PTPRD: variants seen among roughly 807,000 people sequenced by gnomAD.
The protein encoded by PTPRD is receptor-type tyrosine-protein phosphatase delta.
Under a neutral mutation model 214.5 loss-of-function variants are expected in PTPRD, and 34 were observed. That is an observed-to-expected ratio of 0.16 (90% CI 0.12 to 0.21). The LOEUF (loss-of-function observed/expected upper bound fraction) is 0.21. Ranked by LOEUF, PTPRD falls within the 10% of genes least tolerant of loss-of-function variation. PTPRD has a pLI of 1.00. For missense variants in PTPRD, 2,545 were observed against 2,398.7 expected, an observed-to-expected ratio of 1.06 and a Z score of -1.27; for synonymous variants, 1,128 against 845.7, an observed-to-expected ratio of 1.33 and a Z score of -5.79.
intron 5 of PTPRD, among the ~76,000 whole-genome samples, chr9:9,869,779 A>G (rs1250438977): frequency 1.3e-5 from 2 of 151,960 alleles, no homozygotes; most frequent in African/African-American, 4.8e-5. Flanking sequence ...AGTAAACTGC[A>G]TTAAAAAAAA....
intron 3 of PTPRD, among the ~76,000 whole-genome samples, chr9:10,062,018 T>A (rs1346266275): frequency 7.0e-6 from 1 of 143,674 alleles, no homozygotes; most frequent in East Asian, 2.0e-4. Flanking sequence ...CACACTAGAA[T>A]TCGAGAACCA....
At chr9:9,780,823 C>A (rs184330236) in intron 5 of PTPRD, among the ~76,000 whole-genome samples, 1 of 152,314 alleles carries the variant, frequency 6.6e-6, no homozygotes, top group Non-Finnish European at 1.5e-5. Context: ...AACTCTGATA[C>A]ATCCACATAG....
intron 11 of PTPRD, among the ~76,000 whole-genome samples, chr9:8,853,391 GGA>G (rs1214747638): frequency 6.6e-6 from 1 of 152,116 alleles, no homozygotes; most frequent in Non-Finnish European, 1.5e-5. Context: ...GCTTAATTGT[GGA>G]GAGTTGAAAT....
At chr9:9,453,625 A>C (rs1289697086) in intron 8 of PTPRD, among the ~76,000 whole-genome samples, 2 of 151,708 alleles carry the variant, frequency 1.3e-5, no homozygotes, top group Non-Finnish European at 3.0e-5. Flanking sequence ...AAGTGCAGGA[A>C]TATGAGGTGT....
chr9:9,537,196 G>A (rs1030230956), intron 8 of PTPRD, among the ~76,000 whole-genome samples: 5 of 151,862 alleles, frequency 3.3e-5, no homozygotes, highest in African/African-American at 1.2e-4. Flanking sequence ...GCTATTTCAT[G>A]AAATTCCTAC....
intron 9 of PTPRD, among the ~76,000 whole-genome samples, chr9:9,250,514 C>G (rs1220448070): frequency 2.0e-5 from 3 of 151,944 alleles, no homozygotes; most frequent in East Asian, 3.9e-4. Flanking sequence ...ACAAATAACC[C>G]CAATGACAAA....
chr9:10,146,845 A>C (rs1592353778), intron 3 of PTPRD, among the ~76,000 whole-genome samples: 1 of 152,266 alleles, frequency 6.6e-6, no homozygotes, highest in Non-Finnish European at 1.5e-5. Context: ...CACATCTTGG[A>C]GCAATACCTT....
At chr9:9,063,395 C>T (rs527589980) in intron 10 of PTPRD, among the ~76,000 whole-genome samples, 7 of 152,180 alleles carry the variant, frequency 4.6e-5, no homozygotes, top group African/African-American at 1.7e-4. Flanking sequence ...AATGCCTACC[C>T]TCATCAACTA....
chr9:8,894,423 T>C (rs1490238265), intron 11 of PTPRD, among the ~76,000 whole-genome samples: 1 of 141,122 alleles, frequency 7.1e-6, no homozygotes, highest in Non-Finnish European at 1.6e-5. Context: ...AAATATAAGG[T>C]TGGGCAAATG....
At position 8,341,586 on chromosome 9, in the gene PTPRD, A is replaced by G. The variant is rs1398847794; in HGVS notation, c.4947+107T>C. The stretch of plus-strand genomic sequence containing the variant: ...ATCATACACCTGAGGGAAAGGTCAA[A>G]TGAATCTTGTACTTCACAAATTTGA... On this transcript the variant is annotated intron_variant, in intron 40 of 45. Coordinates refer to ENST00000381196, the MANE Select transcript of PTPRD (RefSeq NM_002839.4). 8 of 1,295,542 alleles carry G rather than the reference A, an allele frequency of 6.2e-6. No homozygotes were observed. The East Asian group carries it at 1.6e-4, about 26-fold the overall frequency. 80.3% of individuals were successfully genotyped at this position (1,295,542 alleles called of 1,614,324 possible). A position where few individuals can be genotyped will look rare whatever the true frequency, so the allele number is the denominator to read the frequency against.
intron 11 of PTPRD, among the ~76,000 whole-genome samples, chr9:8,823,898 G>T (rs972985520): frequency 1.3e-5 from 2 of 152,202 alleles, no homozygotes; most frequent in Non-Finnish European, 2.9e-5. Context: ...AGGGCTGCTG[G>T]TTGCCCATTT....
intron 11 of PTPRD, among the ~76,000 whole-genome samples, chr9:8,852,854 G>C (rs983708556): frequency 6.6e-6 from 1 of 152,078 alleles, no homozygotes; most frequent in Admixed American, 6.6e-5. Flanking sequence ...AAATGTATTA[G>C]CATCAAACTA....
intron 11 of PTPRD, among the ~76,000 whole-genome samples, chr9:8,947,356 G>A (rs1176877668): frequency 2.0e-5 from 3 of 151,280 alleles, no homozygotes; most frequent in South Asian, 2.1e-4. Context: ...CCAGCTATTC[G>A]GGAGACTGAG....
chr9:9,796,749 T>A (rs2099005064), intron 5 of PTPRD, among the ~76,000 whole-genome samples: 2 of 152,120 alleles, frequency 1.3e-5, no homozygotes, highest in African/African-American at 4.8e-5. Flanking sequence ...AGCAAAGTCT[T>A]CAGGAATGAA....
intron 11 of PTPRD, among the ~76,000 whole-genome samples, chr9:8,914,159 C>A (rs1172371776): frequency 2.0e-5 from 3 of 152,032 alleles, no homozygotes; most frequent in Non-Finnish European, 4.4e-5. Context: ...ATTTTAACAC[C>A]TTTCTCTTCT....
intron 8 of PTPRD, among the ~76,000 whole-genome samples, chr9:9,550,194 GC>G (rs2079847628): frequency 6.6e-6 from 1 of 151,794 alleles, no homozygotes; most frequent in Non-Finnish European, 1.5e-5. Flanking sequence ...CTCTACTGTA[GC>G]ATAGAAATTC....
intron 9 of PTPRD, among the ~76,000 whole-genome samples, chr9:9,325,017 C>T (rs997643364): frequency 3.3e-5 from 5 of 152,062 alleles, no homozygotes; most frequent in South Asian, 2.1e-4. Flanking sequence ...TGTGGTATTA[C>T]TTCTGAGCCC....
At chr9:10,538,182 A>C (rs1014837118) in intron 2 of PTPRD, among the ~76,000 whole-genome samples, 2 of 151,766 alleles carry the variant, frequency 1.3e-5, no homozygotes, top group Non-Finnish European at 1.5e-5. Flanking sequence ...TGTTTGGCTT[A>C]TCCATCCTTG....
chr9:9,980,679 A>G (rs182886925), intron 4 of PTPRD, among the ~76,000 whole-genome samples: 3 of 138,562 alleles, frequency 2.2e-5, no homozygotes, highest in East Asian at 4.0e-4. Context: ...AGGAAAAAAA[A>G]GTCTCTGAAA....
Sources: gnomAD v4.1 joint callset for allele counts (sites outside exome capture counted in the v4.1 genomes callset) on GRCh38, gnomAD v4.1.1 for gene constraint, MANE v1.5 for transcripts, NCBI Gene and HGNC (gene_info 2026-07-23, HGNC 2026-07-21) for gene names.